HS2ST1: variants seen among roughly 807,000 people sequenced by gnomAD.
HS2ST1 encodes the protein heparan sulfate 2-O-sulfotransferase 1, also known as 2-O-sulfotransferase.
Under a neutral mutation model 42.9 loss-of-function variants are expected in HS2ST1, and 18 were observed. The observed-to-expected ratio is 0.42, with a 90% CI of 0.29 to 0.62. The LOEUF (loss-of-function observed/expected upper bound fraction) is 0.62. Ranked by LOEUF, HS2ST1 falls within the 20% of genes least tolerant of loss-of-function variation. The probability of loss-of-function intolerance (pLI) is 0.21; values close to 1 mark genes in which losing one functional copy is unlikely to be tolerated. For synonymous variants in HS2ST1, 146 were observed against 152.9 expected, an observed-to-expected ratio of 0.95 and a Z score of 0.33; for missense variants, 334 against 433.8, an observed-to-expected ratio of 0.77 and a Z score of 2.04.
At chr1:87,054,737 C>A (rs1650918894) in intron 1 of HS2ST1, among the ~76,000 whole-genome samples, 1 of 152,140 alleles carries the variant, frequency 6.6e-6, no homozygotes, top group Admixed American at 6.5e-5. Context: ...GCTTTCTGCA[C>A]TCTATCGGCC....
At chr1:87,079,230 C>T (rs1396509912) in intron 2 of HS2ST1, among the ~76,000 whole-genome samples, 2 of 151,904 alleles carry the variant, frequency 1.3e-5, no homozygotes, top group African/African-American at 4.8e-5. Context: ...CTCCACCTCC[C>T]GGGTCCAAGC....
chr1:87,035,249 G>A (rs1570500981), intron 1 of HS2ST1, among the ~76,000 whole-genome samples: 1 of 152,258 alleles, frequency 6.6e-6, no homozygotes, highest in East Asian at 1.9e-4. Context: ...TAGTCATTTT[G>A]TCGTCATTTG....
At chr1:87,044,821 A>G in intron 1 of HS2ST1, 1 of 619,094 alleles carries the variant, frequency 1.6e-6, no homozygotes, top group Non-Finnish European at 2.7e-6. Flanking sequence ...ATCATTTTCA[A>G]GTCACTGGTG....
At chr1:86,915,865 G>A (rs1029541944) in intron 1 of HS2ST1, among the ~76,000 whole-genome samples, 1 of 152,222 alleles carries the variant, frequency 6.6e-6, no homozygotes, top group Non-Finnish European at 1.5e-5. Flanking sequence ...GAATAGGGAT[G>A]CCTATGTATG....
intron 1 of HS2ST1, among the ~76,000 whole-genome samples, chr1:86,958,817 A>G (rs1426635490): frequency 6.6e-6 from 1 of 152,236 alleles, no homozygotes; most frequent in Admixed American, 6.5e-5. Flanking sequence ...TCTTTTGTGA[A>G]TATAAATGTA....
intron 1 of HS2ST1, among the ~76,000 whole-genome samples, chr1:86,924,417 C>T (rs1557481202): frequency 6.6e-6 from 1 of 152,190 alleles, no homozygotes; most frequent in Non-Finnish European, 1.5e-5. Context: ...AGGTGGTGCC[C>T]CAGTAGGGAA....
intron 1 of HS2ST1, among the ~76,000 whole-genome samples, chr1:86,986,823 T>C (rs191911147): frequency 3.3e-4 from 50 of 152,248 alleles, no homozygotes; most frequent in Admixed American, 3.3e-3. Context: ...CTCGTTTTAG[T>C]TTTCTCATCC....
chr1:87,101,832 A>G lies in HS2ST1; in HGVS notation c.687-1600A>G, dbSNP rs551304851. Among the ~76,000 whole-genome samples, 3 of 152,274 alleles carry G rather than the reference A, an allele frequency of 2.0e-5. No homozygotes were observed. In the South Asian group the frequency reaches 6.2e-4, roughly 32 times the overall value. ...CAATTTTCTCTATTAGGCCATTCTT[A>G]CATTACTGTGAAGGAATACCTGAGA... On this transcript the variant is annotated intron_variant, in intron 5 of 6. Transcript: ENST00000370550.
At chr1:86,918,615 T>C (rs1453158346) in intron 1 of HS2ST1, among the ~76,000 whole-genome samples, 1 of 152,124 alleles carries the variant, frequency 6.6e-6, no homozygotes, top group Admixed American at 6.5e-5. Flanking sequence ...GAATTCTGTA[T>C]GTGAGATTGC....
At chr1:86,943,724 A>C (rs558101490) in intron 1 of HS2ST1, among the ~76,000 whole-genome samples, 7 of 151,926 alleles carry the variant, frequency 4.6e-5, no homozygotes, top group African/African-American at 1.7e-4. Flanking sequence ...CTCAGAAAAA[A>C]AAAAGAAAAA....
rs1156327331 is a variant in HS2ST1 at position 87,099,430 on chromosome 1, A to G, written c.686+1495A>G. On this transcript the variant is annotated intron_variant, in intron 5 of 6. Transcript: ENST00000370550. ...GGTATGGTTCCCAGACTTTCAAACA[A>G]CCAGATCTTACGTGAACTGAGCGAG... Among the ~76,000 whole-genome samples, 3 of 152,306 alleles carry G rather than the reference A, an allele frequency of 2.0e-5. No homozygotes were observed. In the East Asian group the frequency reaches 5.8e-4, roughly 29 times the overall value.
intron 3 of HS2ST1, among the ~76,000 whole-genome samples, chr1:87,089,522 A>G (rs1470818550): frequency 1.3e-5 from 2 of 152,060 alleles, no homozygotes; most frequent in African/African-American, 2.4e-5. Context: ...GACTTCCTAT[A>G]TAAACTAGCT....
chr1:87,042,017 A>C (rs1015788016), intron 1 of HS2ST1, among the ~76,000 whole-genome samples: 35 of 151,924 alleles, frequency 2.3e-4, no homozygotes, highest in African/African-American at 8.2e-4. Context: ...TTTGTGTTTA[A>C]TTTTTTTTAA....
intron 1 of HS2ST1, among the ~76,000 whole-genome samples, chr1:86,955,030 C>G (rs1000959985): frequency 1.8e-4 from 27 of 151,958 alleles, no homozygotes; most frequent in Non-Finnish European, 2.4e-4. Context: ...CTGGGGAGAT[C>G]GAGGCTGCAG....
intron 4 of HS2ST1, among the ~76,000 whole-genome samples, chr1:87,093,974 C>T (rs1195529499): frequency 1.3e-5 from 2 of 151,984 alleles, no homozygotes; most frequent in Non-Finnish European, 2.9e-5. Context: ...TTAAATAATG[C>T]TATCTCTCAG....
rs547838068 is a variant in HS2ST1 at position 87,102,715 on chromosome 1, T to A, written c.687-717T>A. 5.9e-5 allele frequency among the ~76,000 whole-genome samples: 9 copies of A among 152,168 alleles called. No homozygotes were observed. In the East Asian group the frequency reaches 7.7e-4, roughly 13 times the overall value. On this transcript the variant is annotated intron_variant, in intron 5 of 6. Coordinates refer to ENST00000370550, the MANE Select transcript of HS2ST1 (RefSeq NM_012262.4). ...TCATAGATTCACAGAACTGGGAGGG[T>A]TCTTAGAAACCAATTAATCACTGTT...
chr1:86,985,151 C>T (rs1472401650), intron 1 of HS2ST1, among the ~76,000 whole-genome samples: 14 of 150,222 alleles, frequency 9.3e-5, no homozygotes, highest in Admixed American at 6.0e-4. Flanking sequence ...GTCAGGAGAT[C>T]GACACCATCC....
At chr1:87,035,947 T>C (rs562028961) in intron 1 of HS2ST1, among the ~76,000 whole-genome samples, 99 of 152,194 alleles carry the variant, frequency 6.5e-4, no homozygotes, top group Non-Finnish European at 1.3e-3. Flanking sequence ...ACAATAGGTA[T>C]TTCTCCTAAT....
At chr1:87,089,992 T>C (rs1350836620) in intron 3 of HS2ST1, among the ~76,000 whole-genome samples, 4 of 152,026 alleles carry the variant, frequency 2.6e-5, no homozygotes, top group African/African-American at 9.7e-5. Flanking sequence ...TGGCTAATAA[T>C]GGAGAGGATA....
Sources: gnomAD v4.1 joint callset for allele counts (sites outside exome capture counted in the v4.1 genomes callset) on GRCh38, gnomAD v4.1.1 for gene constraint, MANE v1.5 for transcripts, NCBI Gene and HGNC (gene_info 2026-07-23, HGNC 2026-07-21) for gene names.